Variants in GPC5 observed in about 807,000 individuals in gnomAD.
GPC5 encodes glypican-5.
In GPC5, 47 loss-of-function variants were observed where a neutral mutation model predicts 53.9. The ratio of observed to expected loss-of-function variants is 0.87; its 90% CI spans 0.69 to 1.11. The LOEUF (loss-of-function observed/expected upper bound fraction) is 1.11, where lower values mean the gene tolerates loss of function less well. Ranked by LOEUF, GPC5 falls within the 50% of genes most tolerant of loss-of-function variation. The pLI is 0.00. For synonymous variants in GPC5, 286 were observed against 263.3 expected, an observed-to-expected ratio of 1.09 and a Z score of -0.84; for missense variants, 748 against 713.1, an observed-to-expected ratio of 1.05 and a Z score of -0.56.
At chr13:92,205,805 C>T (rs1434252629) in intron 7 of GPC5, among the ~76,000 whole-genome samples, 1 of 152,178 alleles carries the variant, frequency 6.6e-6, no homozygotes, top group African/African-American at 2.4e-5. Context: ...CTAGCACTTT[C>T]GGAGGCCCAG....
chr13:91,519,910 A>G (rs561270082), intron 2 of GPC5, among the ~76,000 whole-genome samples: 1 of 152,226 alleles, frequency 6.6e-6, no homozygotes, highest in Non-Finnish European at 1.5e-5. Context: ...CAAGGAAAAA[A>G]AGAACTTATC....
intron 2 of GPC5, among the ~76,000 whole-genome samples, chr13:91,671,534 C>A (rs168215): frequency 0.22 from 33,229 of 151,542 alleles, 4,913 homozygotes; most frequent in African/African-American, 0.42. Flanking sequence ...ATGTGAAGGA[C>A]CTCTTCAAGG....
rs560566458 is a variant in GPC5, at chr13:91,973,692, A to G, written c.1401+65635A>G. ...GTTAGTTTTCCTTCTAACAGACAGGACCCTCAGCTGCAGGTCTGTTGGAGT... is the reference window on the plus strand; with the variant it reads ...GTTAGTTTTCCTTCTAACAGACAGGGCCCTCAGCTGCAGGTCTGTTGGAGT... On this transcript the variant is annotated intron_variant, in intron 6 of 7. Coordinates refer to ENST00000377067, the MANE Select transcript of GPC5 (RefSeq NM_004466.6). Among the ~76,000 whole-genome samples the G allele has an allele frequency of 4.3e-3, 649 of 152,094 alleles. 1 individual carries two copies. Among genetic ancestry groups the G allele is most frequent in the Non-Finnish European group, 7.2e-3 (487 of 67,976 alleles).
intron 7 of GPC5, among the ~76,000 whole-genome samples, chr13:92,633,304 C>T (rs559392172): frequency 2.4e-4 from 36 of 151,916 alleles, no homozygotes; most frequent in Admixed American, 4.6e-4. Context: ...CACACCCAAA[C>T]GGTATAAATA....
chr13:91,508,242 T>G (rs1342621806), intron 2 of GPC5, among the ~76,000 whole-genome samples: 1 of 152,172 alleles, frequency 6.6e-6, no homozygotes, highest in Non-Finnish European at 1.5e-5. Context: ...GAATTAGATG[T>G]GAGAGATGCT....
At chr13:91,815,775 A>G (rs2038390229) in intron 5 of GPC5, among the ~76,000 whole-genome samples, 1 of 152,158 alleles carries the variant, frequency 6.6e-6, no homozygotes, top group Non-Finnish European at 1.5e-5. Context: ...TTCCACATAC[A>G]TAGAATTCAT....
intron 5 of GPC5, among the ~76,000 whole-genome samples, chr13:91,811,855 A>G (rs1370438944): frequency 6.6e-6 from 1 of 152,216 alleles, no homozygotes; most frequent in Non-Finnish European, 1.5e-5. Context: ...GCAGTCACAC[A>G]TTGGTAACAT....
At chr13:92,507,678 T>C (rs904043581) in intron 7 of GPC5, among the ~76,000 whole-genome samples, 1 of 152,142 alleles carries the variant, frequency 6.6e-6, no homozygotes, top group Non-Finnish European at 1.5e-5. Context: ...CCACTGAGAA[T>C]TGAAAATGTT....
chr13:91,451,901 C>G (rs1397784197), intron 2 of GPC5, among the ~76,000 whole-genome samples: 1 of 152,178 alleles, frequency 6.6e-6, no homozygotes, highest in East Asian at 1.9e-4. Context: ...CAGGTGTGAG[C>G]CACCATGCCC....
At chr13:92,851,663 C>T (rs1306951562) in intron 7 of GPC5, among the ~76,000 whole-genome samples, 1 of 150,728 alleles carries the variant, frequency 6.6e-6, no homozygotes, top group African/African-American at 2.4e-5. Flanking sequence ...GGGCGGATCA[C>T]AAGATCAGGA....
chr13:91,743,314 A>G (rs1374794692), intron 4 of GPC5, among the ~76,000 whole-genome samples: 1 of 152,150 alleles, frequency 6.6e-6, no homozygotes, highest in African/African-American at 2.4e-5. Context: ...TGATGATTTT[A>G]TAGGAGTGTA....
chr13:91,522,040 A>T (rs544773115), intron 2 of GPC5, among the ~76,000 whole-genome samples: 3 of 152,262 alleles, frequency 2.0e-5, no homozygotes, highest in Admixed American at 6.5e-5. Context: ...AGGAAGGGGT[A>T]TGTATGGCAC....
chr13:92,285,353 C>T (rs996569594), intron 7 of GPC5, among the ~76,000 whole-genome samples: 2 of 152,168 alleles, frequency 1.3e-5, no homozygotes, highest in African/African-American at 4.8e-5. Flanking sequence ...CCCCATCAAG[C>T]TACCAATGAC....
At chr13:92,805,011 C>A (rs1594519061) in intron 7 of GPC5, among the ~76,000 whole-genome samples, 1 of 122,448 alleles carries the variant, frequency 8.2e-6, no homozygotes, top group Non-Finnish European at 1.7e-5. Context: ...GATTCTACTT[C>A]TAACTCTACT....
intron 2 of GPC5, among the ~76,000 whole-genome samples, chr13:91,592,242 G>A (rs1027673360): frequency 2.0e-5 from 3 of 152,190 alleles, no homozygotes; most frequent in African/African-American, 7.2e-5. Flanking sequence ...TGATCCAGTA[G>A]ATGGCACTTT....
chr13:91,866,668 C>T (rs1338174221), intron 5 of GPC5, among the ~76,000 whole-genome samples: 1 of 152,186 alleles, frequency 6.6e-6, no homozygotes, highest in Admixed American at 6.5e-5. Flanking sequence ...AAATACTCCT[C>T]TTTTCTTTAT....
At chr13:92,579,610 C>A (rs1883310978) in intron 7 of GPC5, among the ~76,000 whole-genome samples, 1 of 151,980 alleles carries the variant, frequency 6.6e-6, no homozygotes, top group Admixed American at 6.6e-5. Context: ...TTATAAATAA[C>A]TGAACTGAGA....
At chr13:92,443,666 A>G (rs374640459) in intron 7 of GPC5, among the ~76,000 whole-genome samples, 2 of 152,358 alleles carry the variant, frequency 1.3e-5, no homozygotes, top group African/African-American at 4.8e-5. Context: ...ACAAAGGGGC[A>G]AGGTAGTAAT....
chr13:91,728,817 C>A, intron 4 of GPC5, 152 bp downstream of exon 4: 1 of 824,774 alleles, frequency 1.2e-6, no homozygotes, highest in Non-Finnish European at 1.7e-6. Flanking sequence ...TCAGTGGCTG[C>A]ACCTGTTCCA....
Sources: gnomAD v4.1 joint callset for allele counts (sites outside exome capture counted in the v4.1 genomes callset) on GRCh38, gnomAD v4.1.1 for gene constraint, MANE v1.5 for transcripts, NCBI Gene and HGNC (gene_info 2026-07-23, HGNC 2026-07-21) for gene names.